Variants in SLAIN1 observed in about 807,000 individuals in gnomAD.
SLAIN1 encodes the protein SLAIN family member 1.
Under a neutral mutation model 55.4 loss-of-function variants are expected in SLAIN1, and 17 were observed. The ratio of observed to expected loss-of-function variants is 0.31; its 90% CI spans 0.21 to 0.46. The LOEUF (loss-of-function observed/expected upper bound fraction) is 0.46, where lower values mean the gene tolerates loss of function less well. SLAIN1 is among the 20% of genes least tolerant of loss of function. The probability of loss-of-function intolerance (pLI) is 1.00; values close to 1 mark genes in which losing one functional copy is unlikely to be tolerated. For synonymous variants in SLAIN1, 348 were observed against 337.4 expected (o/e 1.03, Z -0.35); for missense variants, 682 against 785.1 (o/e 0.87, Z 1.57).
intron 5 of SLAIN1, 46 bp downstream of exon 5, chr13:77,753,404 A>C (rs1371718555): frequency 3.0e-6 from 3 of 1,000,032 alleles, no homozygotes; most frequent in Non-Finnish European, 3.9e-6. Flanking sequence ...TAATTGTATA[A>C]TTTTTTATAA....
intron 1 of SLAIN1, among the ~76,000 whole-genome samples, chr13:77,711,722 T>G (rs1442446457): frequency 1.3e-5 from 2 of 152,196 alleles, no homozygotes; most frequent in Non-Finnish European, 2.9e-5. Flanking sequence ...CTAACTCATT[T>G]TATGAGACCA....
At chr13:77,746,428 C>A in intron 3 of SLAIN1, 86 bp from the exon 4 acceptor site, 1 of 1,177,498 alleles carries the variant, frequency 8.5e-7, no homozygotes, top group Non-Finnish European at 1.2e-6. Flanking sequence ...ATTTATTTGG[C>A]ACAATTTTTC....
intron 4 of SLAIN1, among the ~76,000 whole-genome samples, chr13:77,750,124 T>G (rs184704464): frequency 1.3e-5 from 2 of 152,316 alleles, no homozygotes; most frequent in East Asian, 3.9e-4. Context: ...TCAATATGCA[T>G]TTAAAGTGTC....
chr13:77,750,546 A>G (rs1874136899), intron 4 of SLAIN1, among the ~76,000 whole-genome samples: 1 of 152,114 alleles, frequency 6.6e-6, no homozygotes, highest in South Asian at 2.1e-4. Context: ...CTTACTACAC[A>G]CTGTCTGCCA....
chr13:77,703,475 A>G (rs767518830), intron 1 of SLAIN1, among the ~76,000 whole-genome samples: 12 of 152,114 alleles, frequency 7.9e-5, no homozygotes, highest in Non-Finnish European at 1.3e-4. Flanking sequence ...AAAATGTACA[A>G]TGTTTTCTAG....
chr13:77,722,698 G>A (rs1166148916), intron 2 of SLAIN1, among the ~76,000 whole-genome samples: 1 of 152,056 alleles, frequency 6.6e-6, no homozygotes, highest in Non-Finnish European at 1.5e-5. Context: ...TATATATTAT[G>A]ATAGAAAGTT....
At chr13:77,705,007 G>T (rs12431312) in intron 1 of SLAIN1, among the ~76,000 whole-genome samples, 1,466 of 89,730 alleles carry the variant, frequency 0.016, 308 homozygotes, top group African/African-American at 0.063. Context: ...TGTATATACA[G>T]AGGTTTTATA....
intron 1 of SLAIN1, chr13:77,699,234 CTTT>C: frequency 4.9e-6 from 2 of 405,644 alleles, no homozygotes; most frequent in Non-Finnish European, 8.6e-6. Context: ...GTGGGAGGGA[CTTT>C]TTTATTTATT....
Position 77,721,081 on chromosome 13 carries a change from C to G in SLAIN1, c.766+1410C>G, listed in dbSNP as rs138709160. ...CTCTGTGTTCCCAGCCAAATCTCATCTCCATTTGTAATCCTCACATGTAGA... is the reference window on the plus strand; with the variant it reads ...CTCTGTGTTCCCAGCCAAATCTCATGTCCATTTGTAATCCTCACATGTAGA... On this transcript the variant is annotated intron_variant, in intron 2 of 6. Coordinates refer to ENST00000418532, the MANE Select transcript of SLAIN1 (RefSeq NM_001242868.2). Among the ~76,000 whole-genome samples, 274 of 152,274 alleles carry G rather than the reference C, an allele frequency of 1.8e-3. 1 individual carries two copies. The highest frequency in any genetic ancestry group is 6.3e-3 in the African/African-American group (262 of 41,554).
In SLAIN1 at chr13:77,698,238, G is replaced by A; in HGVS notation, c.325G>A (p.Gly109Ser). The A allele has an allele frequency of 7.3e-7, 1 of 1,362,660 alleles. No individual in the cohort carries two copies. The highest frequency in any genetic ancestry group is 9.5e-7 in the Non-Finnish European group (1 of 1,053,412). 84.4% of individuals were successfully genotyped at this position (1,362,660 alleles called of 1,614,324 possible). A position where few individuals can be genotyped will look rare whatever the true frequency, so the allele number is the denominator to read the frequency against. Residue 109 changes from glycine (G) to serine (S), a missense_variant, in exon 1 of 7, where the codon GGC becomes AGC. Coordinates refer to ENST00000418532, the MANE Select transcript of SLAIN1 (RefSeq NM_001242868.2). The surrounding 1 kb of genome is among the most constrained non-coding windows in gnomAD (Gnocchi z 4.1). ...GLALGAGGGG[G>S]SGSGSGGGSS... The stretch of plus-strand genomic sequence containing the variant: ...GGCGCTGGGCGCGGGGGGCGGTGGC[G>A]GCAGCGGTAGTGGCAGCGGCGGTGG...
Position 77,731,998 on chromosome 13 carries a change from A to G in SLAIN1, c.767-12285A>G, listed in dbSNP as rs529699673. 1.6e-4 allele frequency among the ~76,000 whole-genome samples: 25 copies of G among 152,192 alleles called. No homozygotes were observed. The South Asian group carries it at 4.6e-3, about 28-fold the overall frequency. On this transcript the variant is annotated intron_variant, in intron 2 of 6. Coordinates refer to ENST00000418532, the MANE Select transcript of SLAIN1 (RefSeq NM_001242868.2). ...TTTTAGTGTTGTTTTGTGTGCAGGT[A>G]TTTTAATAAAATCATGAATGGGTTA...
In SLAIN1 at chr13:77,698,381, C is replaced by T. The variant is rs1297769215; in HGVS notation, c.468C>T (p.Phe156=). ...PFVYFKPAAG[F]FGAGGGGPEP... is the part of the protein sequence containing the mutation. ...TCTACTTCAAGCCGGCAGCAGGCTTCTTCGGCGCGGGCGGTGGCGGGCCGG... is the reference window on the plus strand; with the variant it reads ...TCTACTTCAAGCCGGCAGCAGGCTTTTTCGGCGCGGGCGGTGGCGGGCCGG... The change falls in exon 1 of 7, where the codon TTC becomes TTT. Residue 156 remains phenylalanine (F), a synonymous_variant. Transcript: ENST00000418532. This position sits in a 1 kb window ranked among gnomAD's most constrained non-coding sequence, Gnocchi z 4.1. The T allele has an allele frequency of 1.9e-5, 27 of 1,424,454 alleles. 1 individual carries two copies. The Admixed American group carries it at 6.2e-4, about 33-fold the overall frequency. 88.2% of individuals were successfully genotyped at this position (1,424,454 alleles called of 1,614,324 possible). A position where few individuals can be genotyped will look rare whatever the true frequency, so the allele number is the denominator to read the frequency against.
intron 2 of SLAIN1, chr13:77,741,520 G>A: frequency 1.4e-6 from 1 of 733,016 alleles, no homozygotes; most frequent in Non-Finnish European, 1.7e-6. Flanking sequence ...GAAATGTGTG[G>A]ATTCTGAAAG....
Position 77,741,491 on chromosome 13 carries a change from CCAGG to C in SLAIN1, c.767-2790_767-2787del. ...ATATACGACTGGTGTCAATTGGCAA[CCAGG>C]CTTCACAGTTTCATGAAATGTGTGG... On this transcript the variant is annotated intron_variant, in intron 2 of 6. Coordinates refer to ENST00000418532, the MANE Select transcript of SLAIN1 (RefSeq NM_001242868.2). 3.2e-6 allele frequency: 3 copies of C among 930,950 alleles called. No individual in the cohort carries two copies. The South Asian group carries it at 1.5e-4, about 46-fold the overall frequency. 57.7% of individuals were successfully genotyped at this position (930,950 alleles called of 1,614,324 possible).
chr13:77,732,814 C>G (rs566051076), intron 2 of SLAIN1, among the ~76,000 whole-genome samples: 2 of 152,058 alleles, frequency 1.3e-5, no homozygotes, highest in African/African-American at 4.8e-5. Context: ...TCAGTTTTGA[C>G]CAATGATTAA....
intron 2 of SLAIN1, among the ~76,000 whole-genome samples, chr13:77,721,146 GT>G (rs1344584528): frequency 6.6e-6 from 1 of 152,102 alleles, no homozygotes; most frequent in Non-Finnish European, 1.5e-5. Context: ...CATGGGGGCG[GT>G]TTCCCCCATG....
chr13:77,727,966 T>C (rs1426980860), intron 2 of SLAIN1, among the ~76,000 whole-genome samples: 1 of 152,188 alleles, frequency 6.6e-6, no homozygotes, highest in Admixed American at 6.5e-5. Flanking sequence ...AAACTAAGTG[T>C]GTTTTTGGCA....
chr13:77,718,292 A>G (rs2091227945), intron 1 of SLAIN1, among the ~76,000 whole-genome samples: 1 of 152,130 alleles, frequency 6.6e-6, no homozygotes, highest in Non-Finnish European at 1.5e-5. Context: ...ACTATGGGAA[A>G]TTCAACTTTC....
chr13:77,723,790 G>A (rs762590575), intron 2 of SLAIN1, among the ~76,000 whole-genome samples: 2 of 151,812 alleles, frequency 1.3e-5, no homozygotes, highest in African/African-American at 2.4e-5. Flanking sequence ...CTTTGTATTC[G>A]TAGCCCTCCG....
Sources: gnomAD v4.1 joint callset for allele counts (sites outside exome capture counted in the v4.1 genomes callset) on GRCh38, gnomAD v4.1.1 for gene constraint, Gnocchi (gnomAD v3.1) non-coding constraint, MANE v1.5 for transcripts, NCBI Gene and HGNC (gene_info 2026-07-23, HGNC 2026-07-21) for gene names.